TOX: variants seen among roughly 807,000 people sequenced by gnomAD.
TOX encodes thymocyte selection-associated high mobility group box protein TOX.
Under a neutral mutation model 53.7 loss-of-function variants are expected in TOX, and 11 were observed. The ratio of observed to expected loss-of-function variants is 0.20; its 90% confidence interval spans 0.13 to 0.34. The LOEUF (loss-of-function observed/expected upper bound fraction) is 0.34, where lower values mean the gene tolerates loss of function less well. Ranked by LOEUF, TOX falls within the 10% of genes least tolerant of loss-of-function variation. The pLI, the probability that TOX is intolerant of heterozygous loss-of-function variation, is 1.00. For synonymous variants in TOX, 225 were observed against 245.3 expected (o/e 0.92, Z 0.77); for missense variants, 570 against 664.6 (o/e 0.86, Z 1.56).
intron 1 of TOX, among the ~76,000 whole-genome samples, chr8:59,081,121 G>C (rs935182020): frequency 5.9e-5 from 9 of 152,188 alleles, no homozygotes; most frequent in African/African-American, 1.4e-4. Context: ...CTGCCTCCTG[G>C]GTTCAAGTGA....
chr8:58,822,951 G>C (rs1810306518), intron 6 of TOX, among the ~76,000 whole-genome samples: 2 of 152,184 alleles, frequency 1.3e-5, no homozygotes, highest in African/African-American at 4.8e-5. Flanking sequence ...CAGGTTTGCT[G>C]TGATGGGAAA....
At chr8:58,867,344 CCA>C (rs1428223929) in intron 3 of TOX, among the ~76,000 whole-genome samples, 3 of 152,240 alleles carry the variant, frequency 2.0e-5, no homozygotes, top group Non-Finnish European at 4.4e-5. Flanking sequence ...GCCTTCAGCC[CCA>C]AACGCTCATT....
intron 1 of TOX, among the ~76,000 whole-genome samples, chr8:58,987,954 A>G (rs1471392718): frequency 1.3e-5 from 2 of 152,228 alleles, no homozygotes; most frequent in Admixed American, 1.3e-4. Context: ...GCTGGCCTAA[A>G]TGACATAACT....
rs1163638263 is a variant in TOX at position 59,115,738 on chromosome 8, C to A, written c.102+3148G>T. The stretch of plus-strand genomic sequence containing the variant: ...ACACTGACCTATATACAGCAACATG[C>A]CATCCGTTCTGGCTGTTTGTGTAAG... On this transcript the variant is annotated intron_variant, in intron 1 of 8. Coordinates refer to ENST00000361421, the MANE Select transcript of TOX (RefSeq NM_014729.3). Among the ~76,000 whole-genome samples, 6 of 152,144 alleles carry A rather than the reference C, an allele frequency of 3.9e-5. 1 individual carries two copies. The South Asian group carries it at 1.0e-3, about 26-fold the overall frequency.
intron 1 of TOX, among the ~76,000 whole-genome samples, chr8:59,060,843 C>A (rs1200320138): frequency 1.3e-5 from 2 of 152,140 alleles, no homozygotes; most frequent in Non-Finnish European, 2.9e-5. Flanking sequence ...CTATACTTGC[C>A]ACTGTATCTT....
chr8:58,873,355 T>A (rs181218300), intron 3 of TOX, among the ~76,000 whole-genome samples: 1 of 152,158 alleles, frequency 6.6e-6, no homozygotes, highest in African/African-American at 2.4e-5. Context: ...CATTGCCTCA[T>A]AGGAGTCTTT....
intron 1 of TOX, among the ~76,000 whole-genome samples, chr8:59,027,874 C>T (rs1475881597): frequency 6.6e-6 from 1 of 152,164 alleles, no homozygotes; most frequent in Non-Finnish European, 1.5e-5. Context: ...CTGTGACCTA[C>T]TGCTCTTCAT....
chr8:58,880,803 G>C (rs1811371315), intron 3 of TOX, among the ~76,000 whole-genome samples: 1 of 152,144 alleles, frequency 6.6e-6, no homozygotes, highest in Non-Finnish European at 1.5e-5. Flanking sequence ...CGCATTACTT[G>C]AGAAGAAGCA....
intron 6 of TOX, among the ~76,000 whole-genome samples, chr8:58,823,281 T>G (rs533334132): frequency 3.6e-4 from 55 of 152,240 alleles, no homozygotes; most frequent in Non-Finnish European, 7.8e-4. Context: ...GGAGGGCAGG[T>G]GGTACAATCT....
At chr8:59,002,574 C>G (rs544664203) in intron 1 of TOX, among the ~76,000 whole-genome samples, 43 of 149,396 alleles carry the variant, frequency 2.9e-4, no homozygotes, top group African/African-American at 7.8e-4. Flanking sequence ...CTGGGCAACA[C>G]AGCAAGACTC....
intron 1 of TOX, among the ~76,000 whole-genome samples, chr8:59,059,943 TA>T (rs779745324): frequency 7.3e-4 from 111 of 152,234 alleles, no homozygotes; most frequent in Non-Finnish European, 1.3e-3. Flanking sequence ...GAAAATCATC[TA>T]GATTTTTATA....
chr8:58,835,905 C>A (rs1429678943), intron 5 of TOX, among the ~76,000 whole-genome samples: 1 of 152,168 alleles, frequency 6.6e-6, no homozygotes, highest in African/African-American at 2.4e-5. Context: ...AACAATACTC[C>A]TAGTTCAGTC....
intron 1 of TOX, among the ~76,000 whole-genome samples, chr8:59,007,706 T>C (rs1179805599): frequency 6.6e-6 from 1 of 152,210 alleles, no homozygotes; most frequent in Non-Finnish European, 1.5e-5. Context: ...AAAAGTAGTG[T>C]TTGGCACTTT....
chr8:58,963,727 C>T (rs754506668), intron 1 of TOX, among the ~76,000 whole-genome samples: 2 of 152,144 alleles, frequency 1.3e-5, no homozygotes, highest in East Asian at 3.9e-4. Context: ...TGTCTGCAGG[C>T]TCTGGGCTCC....
intron 1 of TOX, among the ~76,000 whole-genome samples, chr8:58,990,798 C>A (rs1447106700): frequency 6.6e-6 from 1 of 152,208 alleles, no homozygotes; most frequent in East Asian, 1.9e-4. Flanking sequence ...TACCTAGGTG[C>A]TGAGGGCATC....
chr8:58,863,994 A>G (rs879789735), intron 3 of TOX, among the ~76,000 whole-genome samples: 1 of 152,014 alleles, frequency 6.6e-6, no homozygotes, highest in Non-Finnish European at 1.5e-5. Context: ...TTTTTTTAAC[A>G]TCAGAAGGTA....
intron 1 of TOX, among the ~76,000 whole-genome samples, chr8:59,088,041 A>G (rs1190290900): frequency 6.6e-6 from 1 of 152,178 alleles, no homozygotes; most frequent in Non-Finnish European, 1.5e-5. Flanking sequence ...TATAAACAAA[A>G]ATTTAATCAA....
intron 3 of TOX, among the ~76,000 whole-genome samples, chr8:58,933,000 C>T (rs1431973594): frequency 1.3e-5 from 2 of 152,132 alleles, no homozygotes; most frequent in African/African-American, 4.8e-5. Flanking sequence ...ATTTCAAACT[C>T]CAGAACTGGA....
intron 1 of TOX, among the ~76,000 whole-genome samples, chr8:59,022,457 T>A (rs1333233570): frequency 6.6e-6 from 1 of 152,038 alleles, no homozygotes. Flanking sequence ...ATGAAAGAGG[T>A]CATGTACCTT....
Sources: gnomAD v4.1 joint callset for allele counts (sites outside exome capture counted in the v4.1 genomes callset) on GRCh38, gnomAD v4.1.1 for gene constraint, MANE v1.5 for transcripts, NCBI Gene and HGNC (gene_info 2026-07-23, HGNC 2026-07-21) for gene names.